Variants in DTWD2 observed in about 807,000 individuals in gnomAD.
The protein encoded by DTWD2 is DTW motif tRNA-uridine aminocarboxypropyltransferase 2.
Under a neutral mutation model 31.8 loss-of-function variants are expected in DTWD2, and 39 were observed. The ratio of observed to expected loss-of-function variants is 1.22; its 90% CI spans 0.95 to 1.60. The LOEUF (loss-of-function observed/expected upper bound fraction) is 1.60, where lower values mean the gene tolerates loss of function less well. Ranked by LOEUF, DTWD2 falls within the 40% of genes most tolerant of loss-of-function variation. DTWD2 has a pLI of 0.00. For synonymous variants in DTWD2, 180 were observed against 142.8 expected (o/e 1.26, Z -1.86); for missense variants, 515 against 381.5 (o/e 1.35, Z -2.92).
intron 1 of DTWD2, among the ~76,000 whole-genome samples, chr5:118,982,834 A>T: frequency 6.6e-6 from 1 of 151,500 alleles, no homozygotes. Flanking sequence ...GATTACAGGC[A>T]CTCACCACCA....
intron 4 of DTWD2, among the ~76,000 whole-genome samples, chr5:118,898,512 A>C (rs1221632128): frequency 6.6e-6 from 1 of 151,808 alleles, no homozygotes. Flanking sequence ...AAAAAAAATT[A>C]GCCGGGCATG....
At chr5:118,889,864 T>A (rs986864134) in intron 4 of DTWD2, among the ~76,000 whole-genome samples, 16 of 152,118 alleles carry the variant, frequency 1.1e-4, no homozygotes, top group Non-Finnish European at 2.9e-5. Context: ...TACTTAGCTA[T>A]CCCCTAAAAC....
At chr5:118,891,534 G>T (rs1752977360) in intron 4 of DTWD2, among the ~76,000 whole-genome samples, 1 of 152,124 alleles carries the variant, frequency 6.6e-6, no homozygotes, top group South Asian at 2.1e-4. Flanking sequence ...CTCAATTGTG[G>T]CTATGCAAAA....
chr5:118,909,640 G>A (rs1753415326), intron 4 of DTWD2, among the ~76,000 whole-genome samples: 1 of 152,142 alleles, frequency 6.6e-6, no homozygotes, highest in Non-Finnish European at 1.5e-5. Flanking sequence ...CCCTGCAAGC[G>A]CACACATGCA....
chr5:118,845,382 C>G (rs73789448), intron 5 of DTWD2, among the ~76,000 whole-genome samples: 36,191 of 151,978 alleles, frequency 0.24, 4,342 homozygotes, highest in Middle Eastern at 0.3. Flanking sequence ...AATTTATTAT[C>G]GCAACTAGAT....
At chr5:118,885,321 C>T (rs981604533) in intron 4 of DTWD2, among the ~76,000 whole-genome samples, 2 of 151,516 alleles carry the variant, frequency 1.3e-5, no homozygotes, top group East Asian at 1.9e-4. Context: ...GGTGTGGTGG[C>T]GGGCACCTGC....
intron 4 of DTWD2, among the ~76,000 whole-genome samples, chr5:118,905,095 C>T (rs566556131): frequency 6.6e-6 from 1 of 152,218 alleles, no homozygotes; most frequent in African/African-American, 2.4e-5. Flanking sequence ...TATGTATGTA[C>T]ATGTGTGGAT....
At position 118,840,780 on chromosome 5, in the gene DTWD2, T is replaced by C. The variant is rs1751693252; in HGVS notation, c.*137A>G. The C allele has an allele frequency of 2.3e-6, 2 of 861,904 alleles. No individual in the cohort carries two copies. The highest frequency in any genetic ancestry group is 7.8e-5 in the Admixed American group (2 of 25,548). The allele number at this position is 861,904 out of a possible 1,614,324, so 53.4% of individuals were successfully genotyped here. On this transcript the variant is annotated 3_prime_UTR_variant, in exon 6 of 6. Transcript: ENST00000510708. ...TTGTATTTATGAATATTTGGTTTACTTCCTTCTTCTGGGTAAGATTAGTAT... is the reference window on the plus strand; with the variant it reads ...TTGTATTTATGAATATTTGGTTTACCTCCTTCTTCTGGGTAAGATTAGTAT...
chr5:118,892,016 T>C (rs934096990), intron 4 of DTWD2, among the ~76,000 whole-genome samples: 32 of 152,262 alleles, frequency 2.1e-4, no homozygotes, highest in African/African-American at 7.7e-4. Flanking sequence ...AAAGGTGAAA[T>C]TATTTTAATA....
chr5:118,946,639 G>A (rs1350688241), intron 1 of DTWD2, among the ~76,000 whole-genome samples: 1 of 152,130 alleles, frequency 6.6e-6, no homozygotes, highest in East Asian at 1.9e-4. Flanking sequence ...ATTTCAATGT[G>A]GCGGGTGGGG....
At chr5:118,896,569 T>A (rs2149563063) in intron 4 of DTWD2, among the ~76,000 whole-genome samples, 1 of 152,272 alleles carries the variant, frequency 6.6e-6, no homozygotes, top group South Asian at 2.1e-4. Flanking sequence ...ACAGAATTAT[T>A]CAAAGAATGA....
chr5:118,909,812 C>A (rs775550045), intron 4 of DTWD2, among the ~76,000 whole-genome samples: 5 of 152,204 alleles, frequency 3.3e-5, no homozygotes, highest in Non-Finnish European at 7.3e-5. Flanking sequence ...TGTGCCCCTG[C>A]CTCAGACCTG....
chr5:118,945,058 C>T (rs1709722634), intron 1 of DTWD2, among the ~76,000 whole-genome samples: 2 of 152,246 alleles, frequency 1.3e-5, no homozygotes, highest in African/African-American at 4.8e-5. Flanking sequence ...TGATAAAATA[C>T]TAGAATATAA....
In DTWD2 at chr5:118,848,137, C is replaced by T. The variant is rs368909066; in HGVS notation, c.679G>A (p.Ala227Thr). The T allele has an allele frequency of 6.2e-6, 10 of 1,602,870 alleles. No individual in the cohort carries two copies. Among genetic ancestry groups the T allele is most frequent in the East Asian group, 2.3e-5 (1 of 44,114 alleles). The part of the protein sequence containing the change: ...TNRCLSTLEC[A>T]AVALSILEKN... ...TCCAAGATGGAAAGAGCAACAGCTG[C>T]ACACTCCAGTGTAGAAAGGCATCTA... is the stretch of plus-strand genomic sequence containing the variant. The change falls in exon 5 of 6, where the codon GCA (alanine) becomes ACA (threonine). Residue 227 changes from alanine to threonine, a missense_variant. Physicochemically the swap from Ala to Thr is moderately conservative, Grantham distance 58. Transcript: ENST00000510708.
intron 4 of DTWD2, among the ~76,000 whole-genome samples, chr5:118,884,663 A>G (rs1306754485): frequency 6.6e-6 from 1 of 152,160 alleles, no homozygotes. Context: ...AATATCCTCT[A>G]ACACTTTGTA....
chr5:118,932,756 C>T (rs778488244), intron 3 of DTWD2, among the ~76,000 whole-genome samples: 1 of 152,110 alleles, frequency 6.6e-6, no homozygotes, highest in African/African-American at 2.4e-5. Flanking sequence ...CAAGGAGAGG[C>T]CTCAGGAGAA....
chr5:118,987,743 G>A (rs903212355), intron 1 of DTWD2, among the ~76,000 whole-genome samples: 3 of 152,168 alleles, frequency 2.0e-5, no homozygotes, highest in Non-Finnish European at 4.4e-5. Flanking sequence ...TCCGAAGAAA[G>A]GTCTGAGCTA....
chr5:118,880,650 A>C (rs1390272154), intron 4 of DTWD2, among the ~76,000 whole-genome samples: 1 of 152,198 alleles, frequency 6.6e-6, no homozygotes, highest in African/African-American at 2.4e-5. Context: ...TGTATTCATT[A>C]TTCTGAAAAC....
At chr5:118,964,374 T>C (rs1326240008) in intron 1 of DTWD2, among the ~76,000 whole-genome samples, 1 of 151,806 alleles carries the variant, frequency 6.6e-6, no homozygotes, top group East Asian at 1.9e-4. Context: ...CAGGGGAAAA[T>C]TCCTCTACTT....
Sources: allele counts gnomAD v4.1 joint callset (sites outside exome capture counted in the v4.1 genomes callset), GRCh38; gene constraint gnomAD v4.1.1; transcripts MANE v1.5; gene names NCBI Gene and HGNC (gene_info 2026-07-23, HGNC 2026-07-21).